Variants in INSR observed in about 807,000 individuals in gnomAD.
The protein encoded by INSR is insulin receptor.
Under a neutral mutation model 142.6 loss-of-function variants are expected in INSR, and 67 were observed. That is an observed-to-expected ratio of 0.47 (90% CI 0.39 to 0.58). INSR has a LOEUF of 0.58. Among genes scored for constraint, INSR ranks in the 20% least tolerant of loss-of-function variants. The probability of loss-of-function intolerance (pLI) is 0.00; values close to 1 mark genes in which losing one functional copy is unlikely to be tolerated. For synonymous variants in INSR, 756 were observed against 743.1 expected (o/e 1.02, Z -0.28); for missense variants, 1,248 against 1,833.2 (o/e 0.68, Z 5.83).
rs1972364012 is a variant in INSR at position 7,117,460 on chromosome 19, C to T, written c.3795-50G>A. The T allele has an allele frequency of 7.7e-6, 11 of 1,419,912 alleles. No individual in the cohort carries two copies. In the East Asian group the frequency reaches 2.3e-4, roughly 29 times the overall value. The allele number at this position is 1,419,912 out of a possible 1,614,324, so 88.0% of individuals were successfully genotyped here. A position where few individuals can be genotyped will look rare whatever the true frequency, so the allele number is the denominator to read the frequency against. On this transcript the variant is annotated intron_variant, in intron 21 of 21. Transcript: ENST00000302850. ...GGGTGAGTCTGGGGGCCCTGCCACG[C>T]ATCCTCCCAAACCCCCACTCTTGTC...
At chr19:7,182,159 C>T (rs1043167284) in intron 3 of INSR, among the ~76,000 whole-genome samples, 1 of 151,632 alleles carries the variant, frequency 6.6e-6, no homozygotes, top group Non-Finnish European at 1.5e-5. Context: ...TGATGAAACC[C>T]GGTCTCTACT....
At chr19:7,293,758 C>T in intron 1 of INSR, 34 bp downstream of exon 1, 1 of 1,319,508 alleles carries the variant, frequency 7.6e-7, no homozygotes, top group Non-Finnish European at 9.7e-7. Context: ...CCCATCGCGG[C>T]GCTCCCCGCC....
At chr19:7,201,952 C>T (rs935414204) in intron 2 of INSR, among the ~76,000 whole-genome samples, 7 of 152,080 alleles carry the variant, frequency 4.6e-5, no homozygotes, top group South Asian at 4.1e-4. Context: ...TGAGCCACCG[C>T]GCTAGGCCTT....
chr19:7,269,566 A>G lies in INSR; in HGVS notation c.101-1670T>C, dbSNP rs192786258. The stretch of plus-strand genomic sequence containing the variant: ...AAGCTCAGGCTGGGAGGCAGCTTCA[A>G]GAGGACAAGGATGCCAGTCCCAGCC... On this transcript the variant is annotated intron_variant, in intron 1 of 21. Coordinates refer to ENST00000302850, the MANE Select transcript of INSR (RefSeq NM_000208.4). 1.2e-4 allele frequency among the ~76,000 whole-genome samples: 19 copies of G among 152,254 alleles called. No individual in the cohort carries two copies. In the East Asian group the frequency reaches 3.3e-3, roughly 26 times the overall value.
chr19:7,127,189 T>C (rs555645832), intron 15 of INSR, among the ~76,000 whole-genome samples: 3 of 152,268 alleles, frequency 2.0e-5, no homozygotes, highest in Admixed American at 2.0e-4. Flanking sequence ...TGCACGACCA[T>C]GCAGGGCTCT....
chr19:7,177,741 T>C (rs1049352608), intron 3 of INSR, among the ~76,000 whole-genome samples: 9 of 144,490 alleles, frequency 6.2e-5, no homozygotes, highest in African/African-American at 2.3e-4. Flanking sequence ...GAAACAGGGT[T>C]TCTCCATTTT....
chr19:7,241,481 G>A (rs531893868), intron 2 of INSR, among the ~76,000 whole-genome samples: 1 of 152,198 alleles, frequency 6.6e-6, no homozygotes, highest in African/African-American at 2.4e-5. Context: ...ACTTTGCCAG[G>A]CATAGTGGCG....
chr19:7,132,106 T>C (rs1394788669), intron 14 of INSR, 52 bp downstream of exon 14: 2 of 1,610,292 alleles, frequency 1.2e-6, no homozygotes, highest in East Asian at 2.2e-5. Context: ...TGTCCCACCA[T>C]GCTCAGTGCT....
rs1205736535 is a variant in INSR at position 7,166,632 on chromosome 19, A to C, written c.1611-228T>G. 6.6e-6 allele frequency among the ~76,000 whole-genome samples: 1 copy of C among 152,192 alleles called. No individual in the cohort carries two copies. Among genetic ancestry groups the C allele is most frequent in the African/African-American group, 2.4e-5 (1 of 41,454 alleles). ...GGGCATCCCTTATTCAAAACACTTG[A>C]GACTTGGCCAAGTGCAGTGGCTCAC... On this transcript the variant is annotated intron_variant, in intron 7 of 21. Coordinates refer to ENST00000302850, the MANE Select transcript of INSR (RefSeq NM_000208.4). The surrounding 1 kb of genome is among the most constrained non-coding windows in gnomAD (Gnocchi z 4.1).
Position 7,184,657 on chromosome 19 carries a change from G to C in INSR, c.653-20C>G. 1 of 1,433,576 alleles carries C rather than the reference G, an allele frequency of 7.0e-7. No homozygotes were observed. Among genetic ancestry groups the C allele is most frequent in the African/African-American group, 1.5e-5 (1 of 67,950 alleles). The allele number at this position is 1,433,576 out of a possible 1,614,324, so 88.8% of individuals were successfully genotyped here. ...GGCAAACTGGAGAGAGAGAGAGAGA[G>C]AGAGGGAAATAAATAAATAAATAAA... On this transcript the variant is annotated intron_variant, in intron 2 of 21. Transcript: ENST00000302850.
At chr19:7,134,448 G>A (rs1237839720) in intron 13 of INSR, among the ~76,000 whole-genome samples, 3 of 73,984 alleles carry the variant, frequency 4.1e-5, no homozygotes, top group Non-Finnish European at 7.3e-5. Flanking sequence ...GCTGCCTTTC[G>A]ATTTTTTTTT....
Position 7,225,699 on chromosome 19 carries a change from T to C in INSR, c.653-41062A>G, listed in dbSNP as rs1173887797. Among the ~76,000 whole-genome samples the C allele has an allele frequency of 1.8e-4, 22 of 121,854 alleles. No individual in the cohort carries two copies. The highest frequency in any genetic ancestry group is 8.2e-4 in the Admixed American group (9 of 10,958). The allele number at this position is 121,854 out of a possible 152,430, so 79.9% of individuals were successfully genotyped here. ...TGATGATGGGCTCTTGGTTTCCATT[T>C]CCCCCCCCTCAAAAAAAGAGCAGAG... On this transcript the variant is annotated intron_variant, in intron 2 of 21. Coordinates refer to ENST00000302850, the MANE Select transcript of INSR (RefSeq NM_000208.4). This position sits in a 1 kb window ranked among gnomAD's most constrained non-coding sequence, Gnocchi z 4.7.
intron 2 of INSR, among the ~76,000 whole-genome samples, chr19:7,263,420 C>T (rs1977124904): frequency 6.6e-6 from 1 of 152,162 alleles, no homozygotes; most frequent in South Asian, 2.1e-4. Flanking sequence ...ATTTTTTGGC[C>T]CCCTGGGGAT....
intron 2 of INSR, among the ~76,000 whole-genome samples, chr19:7,193,067 C>T (rs975506522): frequency 2.6e-5 from 4 of 151,930 alleles, no homozygotes; most frequent in African/African-American, 7.3e-5. Context: ...AGCAAAGGAA[C>T]GAATCTTGCA....
intron 1 of INSR, among the ~76,000 whole-genome samples, chr19:7,283,614 A>G (rs1404035706): frequency 1.3e-5 from 2 of 152,084 alleles, no homozygotes. Context: ...TAATTTTTGT[A>G]TTTTTAGTAG....
chr19:7,195,254 T>C (rs1974713210), intron 2 of INSR, among the ~76,000 whole-genome samples: 1 of 152,178 alleles, frequency 6.6e-6, no homozygotes, highest in African/African-American at 2.4e-5. Flanking sequence ...TATGAGGCAA[T>C]GAAAAAGACA....
intron 14 of INSR, among the ~76,000 whole-genome samples, chr19:7,130,610 T>A (rs1314443083): frequency 3.6e-4 from 55 of 152,180 alleles, no homozygotes; most frequent in Non-Finnish European, 2.9e-5. Context: ...CTTAACACCT[T>A]GCTCCCACTT....
intron 14 of INSR, among the ~76,000 whole-genome samples, chr19:7,130,171 G>T (rs1035929595): frequency 6.6e-6 from 1 of 152,182 alleles, no homozygotes; most frequent in Admixed American, 6.5e-5. Flanking sequence ...GGAAGTGCAG[G>T]ATTGCCAGAT....
chr19:7,223,709 G>C (rs1160531650), intron 2 of INSR, among the ~76,000 whole-genome samples: 1 of 152,160 alleles, frequency 6.6e-6, no homozygotes. Context: ...AGAAAAGCTA[G>C]GGTTCTGAAG....
Sources: allele counts gnomAD v4.1 joint callset (sites outside exome capture counted in the v4.1 genomes callset), GRCh38; gene constraint gnomAD v4.1.1; non-coding constraint Gnocchi (gnomAD v3.1); transcripts MANE v1.5; gene names NCBI Gene and HGNC (gene_info 2026-07-23, HGNC 2026-07-21).